The following ADGRE5 variants were observed in gnomAD, a reference collection of about 807,000 sequenced individuals.
The protein encoded by ADGRE5 is CD97 molecule.
A neutral mutation model predicts 100.3 loss-of-function variants in ADGRE5; 72 were observed. The observed-to-expected ratio is 0.72, with a 90% confidence interval of 0.59 to 0.87. ADGRE5 has a LOEUF of 0.87. Among genes scored for constraint, ADGRE5 ranks in the 40% least tolerant of loss-of-function variants. ADGRE5 has a pLI of 0.00. For synonymous variants in ADGRE5, 439 were observed against 447.8 expected, an observed-to-expected ratio of 0.98 and a Z score of 0.25; for missense variants, 959 against 1,094.7, an observed-to-expected ratio of 0.88 and a Z score of 1.75.
In ADGRE5 at chr19:14,397,111, C is replaced by T. The variant is rs1975808333; in HGVS notation, c.513C>T (p.Cys171=). 5 of 1,613,980 alleles carry T rather than the reference C, an allele frequency of 3.1e-6. No homozygotes were observed. The highest frequency in any genetic ancestry group is 1.1e-5 in the South Asian group (1 of 91,080). The part of the protein sequence containing the change: ...VNECTSGQNP[C]HSSTHCLNNV... ...AATGCACCTCCGGACAAAACCCGTG[C>T]CACAGCTCCACCCACTGCCTCAACA... The change falls in exon 6 of 20, where the codon TGC becomes TGT. Residue 171 remains cysteine (C), a synonymous_variant. Transcript: ENST00000242786.
In ADGRE5 at chr19:14,406,658, G is replaced by A. The variant is rs367937699; in HGVS notation, c.2049-42G>A. ...TCCGGCCGCCCTCCGTTCCGCTCCT[G>A]GCTTCCTGGGGCACTGATGGGACCC... On this transcript the variant is annotated intron_variant, in intron 15 of 19. Transcript: ENST00000242786. The surrounding 1 kb of genome is among the most constrained non-coding windows in gnomAD (Gnocchi z 6.0). 571 of 1,610,880 alleles carry A rather than the reference G, an allele frequency of 3.5e-4. 2 individuals carry two copies. Among genetic ancestry groups the A allele is most frequent in the South Asian group, 1.1e-3 (98 of 91,008 alleles).
intron 3 of ADGRE5, among the ~76,000 whole-genome samples, chr19:14,389,753 G>C (rs1161336810): frequency 1.3e-5 from 2 of 148,302 alleles, no homozygotes; most frequent in Non-Finnish European, 3.0e-5. Flanking sequence ...AAAAAAGAGA[G>C]AGACAGAGAA....
At chr19:14,389,410 A>T in intron 3 of ADGRE5, among the ~76,000 whole-genome samples, 1 of 83,700 alleles carries the variant, frequency 1.2e-5, no homozygotes, top group African/African-American at 8.0e-5. Flanking sequence ...AGAGGAAAGG[A>T]GGCAGGAAGG....
At chr19:14,405,982 A>C (rs1386323893) in intron 14 of ADGRE5, 43 bp downstream of exon 14, 1 of 1,540,052 alleles carries the variant, frequency 6.5e-7, no homozygotes, top group East Asian at 2.3e-5. Flanking sequence ...GGGGTCAGGG[A>C]GGCCTGGGAG....
intron 18 of ADGRE5, among the ~76,000 whole-genome samples, chr19:14,407,675 A>G (rs1976327136): frequency 1.3e-5 from 2 of 150,606 alleles, no homozygotes; most frequent in Admixed American, 1.3e-4. Flanking sequence ...CTGAATACCC[A>G]TCTCAGCTTC....
chr19:14,384,064 G>A (rs1975248398), intron 1 of ADGRE5, among the ~76,000 whole-genome samples: 1 of 152,078 alleles, frequency 6.6e-6, no homozygotes, highest in East Asian at 1.9e-4. Flanking sequence ...ATCCTGTCCT[G>A]CCAGGGGAGG....
At chr19:14,399,274 C>T (rs1358790520) in intron 9 of ADGRE5, among the ~76,000 whole-genome samples, 2 of 151,420 alleles carry the variant, frequency 1.3e-5, no homozygotes, top group Non-Finnish European at 2.9e-5. Context: ...TATATAAAAG[C>T]TTTCCTGGCC....
At chr19:14,407,329 T>C in intron 18 of ADGRE5, 100 bp downstream of exon 18, 1 of 1,343,970 alleles carries the variant, frequency 7.4e-7, no homozygotes, top group Non-Finnish European at 1.0e-6. Flanking sequence ...GAGACCAGCC[T>C]GGGCAACATA....
chr19:14,396,342 A>T lies in ADGRE5; in HGVS notation c.347A>T (p.Asp116Val), dbSNP rs756645373. ...FKNESENTCQ[D>V]VDECQQNPRL... Reference sequence around the variant, plus strand: ...CTTCACCCTCTCCTTCCTCTTGCAGATGTGGACGAATGTCAGCAGAACCCA... The same window carrying T: ...CTTCACCCTCTCCTTCCTCTTGCAGTTGTGGACGAATGTCAGCAGAACCCA... Residue 116 changes from aspartate (D) to valine (V), a missense_variant and splice_region_variant, in exon 5 of 20, where the codon GAT becomes GTT. Around this residue, in one of 6 missense-constraint regions of ADGRE5, gnomAD observed 114 missense variants for 195.7 expected, o/e 0.58. Transcript: ENST00000242786. 6 of 1,614,154 alleles carry T rather than the reference A, an allele frequency of 3.7e-6. No homozygotes were observed. In the African/African-American group the frequency reaches 5.3e-5, roughly 14 times the overall value.
At chr19:14,385,724 G>A (rs1425755906) in intron 1 of ADGRE5, among the ~76,000 whole-genome samples, 4 of 152,024 alleles carry the variant, frequency 2.6e-5, no homozygotes, top group Non-Finnish European at 5.9e-5. Flanking sequence ...CTGAGGAAGC[G>A]TGGAGGTCCA....
intron 1 of ADGRE5, among the ~76,000 whole-genome samples, chr19:14,383,468 G>A (rs779003832): frequency 3.9e-5 from 6 of 152,106 alleles, no homozygotes; most frequent in Non-Finnish European, 7.3e-5. Context: ...TCACGCCACT[G>A]CACTCCAGCC....
Position 14,408,123 on chromosome 19 carries a change from G to C in ADGRE5, c.*2G>C. ...AGGGCATCAGAGTCCGGCATATGAA[G>C]GCGCATGGTTCTGGACGGCCCAGCA... On this transcript the variant is annotated 3_prime_UTR_variant, in exon 20 of 20. Coordinates refer to ENST00000242786, the MANE Select transcript of ADGRE5 (RefSeq NM_078481.4). The C allele has an allele frequency of 1.9e-6, 3 of 1,613,000 alleles. No individual in the cohort carries two copies. Among genetic ancestry groups the C allele is most frequent in the Non-Finnish European group, 2.5e-6 (3 of 1,179,990 alleles).
In ADGRE5 at chr19:14,401,171, AG is replaced by A. The variant is rs1046775455; in HGVS notation, c.898-214del. On this transcript the variant is annotated intron_variant, in intron 9 of 19. Coordinates refer to ENST00000242786, the MANE Select transcript of ADGRE5 (RefSeq NM_078481.4). This position sits in a 1 kb window ranked among gnomAD's most constrained non-coding sequence, Gnocchi z 4.1. ...GAAATCAAAACAGAGCCTGGCAGGCAGCCCGTGCCCAACCAGTGTTAAGCGC... is the reference window on the plus strand; with the variant it reads ...GAAATCAAAACAGAGCCTGGCAGGCACCCGTGCCCAACCAGTGTTAAGCGC... 1.3e-5 allele frequency among the ~76,000 whole-genome samples: 2 copies of A among 151,952 alleles called. No individual in the cohort carries two copies. Among genetic ancestry groups the A allele is most frequent in the African/African-American group, 4.9e-5 (2 of 41,208 alleles).
At position 14,401,523 on chromosome 19, in the gene ADGRE5, G is replaced by C. The variant is rs1976010751; in HGVS notation, c.1035G>C (p.Leu345=). The C allele has an allele frequency of 1.2e-6, 2 of 1,614,170 alleles. No individual in the cohort carries two copies. Among genetic ancestry groups the C allele is most frequent in the South Asian group, 1.1e-5 (1 of 91,090 alleles). Residue 345 remains leucine (L), a synonymous_variant, in exon 10 of 20, where the codon CTG becomes CTC. Transcript: ENST00000242786. The surrounding 1 kb of genome is among the most constrained non-coding windows in gnomAD (Gnocchi z 4.1). ...TCATGAGGATCCTGGCCAAGAGCCT[G>C]CCTAAAGGCCCCTTCACCTACATTT... ...EDIMRILAKS[L]PKGPFTYISP... is the part of the protein sequence containing the mutation.
Position 14,406,647 on chromosome 19 carries a change from G to A in ADGRE5, c.2049-53G>A, listed in dbSNP as rs191046751. On this transcript the variant is annotated intron_variant, in intron 15 of 19. Coordinates refer to ENST00000242786, the MANE Select transcript of ADGRE5 (RefSeq NM_078481.4). The surrounding 1 kb of genome is among the most constrained non-coding windows in gnomAD (Gnocchi z 6.0). ...CACACACAATGTCCGGCCGCCCTCC[G>A]TTCCGCTCCTGGCTTCCTGGGGCAC... The A allele has an allele frequency of 2.3e-5, 37 of 1,608,732 alleles. No homozygotes were observed. Among genetic ancestry groups the A allele is most frequent in the Middle Eastern group, 1.6e-4 (1 of 6,076 alleles).
At chr19:14,386,942 G>A (rs1247284863) in intron 1 of ADGRE5, among the ~76,000 whole-genome samples, 1 of 151,892 alleles carries the variant, frequency 6.6e-6, no homozygotes, top group Non-Finnish European at 1.5e-5. Flanking sequence ...TTGAACCCGG[G>A]AGGTGGAGGT....
chr19:14,404,021 G>T (rs944469274), intron 12 of ADGRE5, among the ~76,000 whole-genome samples: 10 of 151,880 alleles, frequency 6.6e-5, no homozygotes, highest in Non-Finnish European at 1.2e-4. Context: ...GGATTTACAG[G>T]TGCTTGCCAC....
Position 14,401,234 on chromosome 19 carries a change from C to T in ADGRE5, c.898-152C>T, listed in dbSNP as rs185672819. The T allele has an allele frequency of 2.9e-5, 19 of 652,084 alleles. No individual in the cohort carries two copies. The highest frequency in any genetic ancestry group is 8.3e-5 in the East Asian group (3 of 36,068). 40.4% of individuals were successfully genotyped at this position (652,084 alleles called of 1,614,324 possible). On this transcript the variant is annotated intron_variant, in intron 9 of 19. Coordinates refer to ENST00000242786, the MANE Select transcript of ADGRE5 (RefSeq NM_078481.4). This position sits in a 1 kb window ranked among gnomAD's most constrained non-coding sequence, Gnocchi z 4.1. ...CGTGCATGCAGGCAAATACTCAATC[C>T]GTCGCTTGTTTTCTGGTTACTGCAT...
At position 14,397,934 on chromosome 19, in the gene ADGRE5, A is replaced by G. The variant is rs367700672; in HGVS notation, c.818A>G (p.Gln273Arg). 12 of 1,377,574 alleles carry G rather than the reference A, an allele frequency of 8.7e-6. No individual in the cohort carries two copies. Among genetic ancestry groups the G allele is most frequent in the Non-Finnish European group, 1.2e-5 (12 of 1,001,078 alleles). 85.3% of individuals were successfully genotyped at this position (1,377,574 alleles called of 1,614,324 possible). ...TWTPPPGVHS[Q>R]TLSRFFDKVQ... ...ACCCCGCCCCCTGGAGTCCACAGCC[A>G]GGTGAGTGGCCCCCACAGGGACGAG... is the stretch of plus-strand genomic sequence containing the variant. The change falls in exon 8 of 20, where the codon CAG (glutamine) becomes CGG (arginine). Residue 273 changes from glutamine (Q) to arginine (R), a missense_variant and splice_region_variant. Physicochemically the swap from Gln to Arg is conservative, Grantham distance 43 (BLOSUM62 1). This residue lies in a region of ADGRE5 where 69 missense variants were observed against 135.0 expected (regional missense o/e 0.51). Coordinates refer to ENST00000242786, the MANE Select transcript of ADGRE5 (RefSeq NM_078481.4).
Sources: gnomAD v4.1 joint callset for allele counts (sites outside exome capture counted in the v4.1 genomes callset) on GRCh38, gnomAD v4.1.1 for gene constraint, gnomAD v4.1.1 regional missense constraint, Gnocchi (gnomAD v3.1) non-coding constraint, MANE v1.5 for transcripts, NCBI Gene and HGNC (gene_info 2026-07-23, HGNC 2026-07-21) for gene names.